Variants in PARP8 observed in about 807,000 individuals in gnomAD.
PARP8 encodes the protein protein mono-ADP-ribosyltransferase PARP8.
A neutral mutation model predicts 124.1 loss-of-function variants in PARP8; 51 were observed. That is an observed-to-expected ratio of 0.41 (90% CI 0.33 to 0.52). PARP8 has a LOEUF of 0.52. Among genes scored for constraint, PARP8 ranks in the 20% least tolerant of loss-of-function variants. The pLI is 0.21. For missense variants in PARP8, 860 were observed against 1,018.9 expected, an observed-to-expected ratio of 0.84 and a Z score of 2.12; for synonymous variants, 391 against 361.5, an observed-to-expected ratio of 1.08 and a Z score of -0.93.
intron 11 of PARP8, 59 bp downstream of exon 11, chr5:50,794,391 A>C (rs1742290712): frequency 5.7e-6 from 9 of 1,572,418 alleles, no homozygotes; most frequent in Non-Finnish European, 7.8e-6. Context: ...GATGTAGTTC[A>C]TGCTTACAGC....
rs961662157 is a variant in PARP8 at position 50,845,908 on chromosome 5, G to A, written c.*3840G>A. On this transcript the variant is annotated 3_prime_UTR_variant, in exon 26 of 26. Coordinates refer to ENST00000281631, the MANE Select transcript of PARP8 (RefSeq NM_024615.4). ...TTTTTGTCCGATTATATATAGATTT[G>A]ATGTATATTATTACCCAGTAAATTC... The A allele has an allele frequency of 1.3e-5, 2 of 151,664 alleles. No individual in the cohort carries two copies. The highest frequency in any genetic ancestry group is 4.8e-5 in the African/African-American group (2 of 41,360). 9.4% of individuals were successfully genotyped at this position (151,664 alleles called of 1,614,324 possible).
intron 2 of PARP8, among the ~76,000 whole-genome samples, chr5:50,674,865 G>A (rs1383034680): frequency 1.3e-5 from 2 of 152,150 alleles, no homozygotes; most frequent in African/African-American, 2.4e-5. Flanking sequence ...AATACATAAC[G>A]TTTTACGCAT....
chr5:50,758,864 A>G (rs1760242385), intron 3 of PARP8, among the ~76,000 whole-genome samples: 1 of 151,416 alleles, frequency 6.6e-6, no homozygotes, highest in Non-Finnish European at 1.5e-5. Context: ...TTTAAAGAGG[A>G]AACAAATAGT....
intron 2 of PARP8, among the ~76,000 whole-genome samples, chr5:50,748,323 CTTGCAACTGT>C (rs1758844434): frequency 6.6e-6 from 1 of 152,054 alleles, no homozygotes; most frequent in African/African-American, 2.4e-5. Context: ...ATGCAAGGAC[CTTGCAACTGT>C]TTAAGACCAT....
chr5:50,705,654 G>A (rs1361315605), intron 2 of PARP8, among the ~76,000 whole-genome samples: 1 of 151,936 alleles, frequency 6.6e-6, no homozygotes, highest in African/African-American at 2.4e-5. Flanking sequence ...GCGTGATGGC[G>A]TGCGCCTGTA....
chr5:50,750,782 A>AAGAATAGTAT (rs1479698404), intron 3 of PARP8, among the ~76,000 whole-genome samples: 1 of 152,132 alleles, frequency 6.6e-6, no homozygotes, highest in Admixed American at 6.6e-5. Context: ...CATATGTTTT[A>AAGAATAGTAT]AGAATAGTAT....
intron 14 of PARP8, among the ~76,000 whole-genome samples, chr5:50,797,504 A>G (rs1031600277): frequency 6.6e-6 from 1 of 152,192 alleles, no homozygotes; most frequent in Non-Finnish European, 1.5e-5. Flanking sequence ...ATCAACGTTA[A>G]GCATCTTAAA....
chr5:50,741,373 G>C (rs1758025263), intron 2 of PARP8, among the ~76,000 whole-genome samples: 1 of 152,104 alleles, frequency 6.6e-6, no homozygotes, highest in Admixed American at 6.6e-5. Context: ...ATTTAAATAT[G>C]TTGTTGTCTT....
rs1754788601 is a variant in PARP8, at chr5:50,711,728, C to T, written c.147-38423C>T. Reference sequence around the variant, plus strand: ...CCATAATCCAACATACATTTCTGCACTTATATGAGAAAATCAAGGTCCTTA... The same window carrying T: ...CCATAATCCAACATACATTTCTGCATTTATATGAGAAAATCAAGGTCCTTA... On this transcript the variant is annotated intron_variant, in intron 2 of 25. Coordinates refer to ENST00000281631, the MANE Select transcript of PARP8 (RefSeq NM_024615.4). 2.6e-5 allele frequency among the ~76,000 whole-genome samples: 4 copies of T among 152,058 alleles called. No individual in the cohort carries two copies. In the South Asian group the frequency reaches 8.3e-4, roughly 31 times the overall value.
chr5:50,837,815 T>TA (rs1462945211), intron 25 of PARP8, among the ~76,000 whole-genome samples: 1 of 151,342 alleles, frequency 6.6e-6, no homozygotes, highest in Non-Finnish European at 1.5e-5. Flanking sequence ...AGAAGAGAAT[T>TA]AGAAGTTCAA....
intron 10 of PARP8, among the ~76,000 whole-genome samples, chr5:50,790,148 A>C (rs1200714297): frequency 6.6e-6 from 1 of 152,222 alleles, no homozygotes; most frequent in Non-Finnish European, 1.5e-5. Context: ...AAAGATATGC[A>C]AATATAAAAT....
intron 2 of PARP8, among the ~76,000 whole-genome samples, chr5:50,674,486 T>C (rs892609584): frequency 2.6e-4 from 39 of 152,374 alleles, no homozygotes; most frequent in African/African-American, 9.1e-4. Context: ...TTCTTGATTT[T>C]GAGTTTCTTA....
intron 9 of PARP8, 45 bp from the exon 10 acceptor site, chr5:50,788,478 T>C (rs373321983): frequency 6.4e-7 from 1 of 1,560,792 alleles, no homozygotes; most frequent in African/African-American, 1.4e-5. Flanking sequence ...TGGTTGAGTT[T>C]CAGTTTCAAG....
Position 50,815,428 on chromosome 5 carries a change from G to A in PARP8, c.1576-4G>A. On this transcript the variant is annotated splice_region_variant and splice_polypyrimidine_tract_variant and intron_variant, in intron 14 of 25. Transcript: ENST00000281631. ...TTTGTGATTGATTCCTTTTTCTTTT[G>A]TAGCCTACCGTATGTGAACGGGAGC... The A allele has an allele frequency of 6.5e-7, 1 of 1,549,542 alleles. No homozygotes were observed. The highest frequency in any genetic ancestry group is 2.1e-5 in the Admixed American group (1 of 47,000).
rs1195398983 is a variant in PARP8, at chr5:50,760,650, G to A, written c.345+288G>A. Among the ~76,000 whole-genome samples the A allele has an allele frequency of 2.6e-5, 4 of 152,170 alleles. No individual in the cohort carries two copies. In the East Asian group the frequency reaches 7.7e-4, roughly 29 times the overall value. Reference sequence around the variant, plus strand: ...CTTTCATCAAACACTGTAATTAGCTGAGGAACATTATGTAACTGATTTATA... The same window carrying A: ...CTTTCATCAAACACTGTAATTAGCTAAGGAACATTATGTAACTGATTTATA... On this transcript the variant is annotated intron_variant, in intron 5 of 25. Transcript: ENST00000281631.
chr5:50,837,908 A>G (rs1747761150), intron 25 of PARP8, among the ~76,000 whole-genome samples: 1 of 152,148 alleles, frequency 6.6e-6, no homozygotes, highest in Non-Finnish European at 1.5e-5. Context: ...ATCAGATGTT[A>G]TGAACAGATC....
intron 2 of PARP8, among the ~76,000 whole-genome samples, chr5:50,737,064 T>C (rs1282918707): frequency 6.6e-6 from 1 of 152,168 alleles, no homozygotes; most frequent in Non-Finnish European, 1.5e-5. Flanking sequence ...TCAGTACTTA[T>C]GTATATAATT....
In PARP8 at chr5:50,821,080, C is replaced by A. The variant is rs541204483; in HGVS notation, c.1669-133C>A. 47 of 984,226 alleles carry A rather than the reference C, an allele frequency of 4.8e-5. No homozygotes were observed. The South Asian group carries it at 6.6e-4, about 14-fold the overall frequency. 61.0% of individuals were successfully genotyped at this position (984,226 alleles called of 1,614,324 possible). On this transcript the variant is annotated intron_variant, in intron 15 of 25. Coordinates refer to ENST00000281631, the MANE Select transcript of PARP8 (RefSeq NM_024615.4). ...TGGTCAAATGTGGTCTCAAGTCTTG[C>A]ATTACACATTTGAGAGATTGGTAGC... is the stretch of plus-strand genomic sequence containing the variant.
intron 1 of PARP8, chr5:50,667,594 C>T (rs1332610888): frequency 4.3e-6 from 3 of 699,446 alleles, no homozygotes; most frequent in Admixed American, 2.0e-5. Flanking sequence ...CTGCGCTGCG[C>T]TGCGCTTGTA....
Sources: allele counts gnomAD v4.1 joint callset (sites outside exome capture counted in the v4.1 genomes callset), GRCh38; gene constraint gnomAD v4.1.1; transcripts MANE v1.5; gene names NCBI Gene and HGNC (gene_info 2026-07-23, HGNC 2026-07-21).